The following LOC128125822 variants were observed in gnomAD, a reference collection of about 807,000 sequenced individuals.
the LOC128125822 span, chr6:63,581,067 TC>T: frequency 1.3e-5 from 2 of 152,164 alleles, no homozygotes; most frequent in African/African-American, 4.8e-5. Flanking sequence ...ATCATAAACT[TC>T]CTGAAATTCT....
chr6:63,577,462 T>A, the LOC128125822 span, among the ~76,000 whole-genome samples: 1 of 152,246 alleles, frequency 6.6e-6, no homozygotes, highest in Admixed American at 6.5e-5. Context: ...AATTGAATGC[T>A]GAATAATATA....
the LOC128125822 span, chr6:63,580,236 A>AGG: frequency 7.8e-7 from 1 of 1,281,304 alleles, no homozygotes; most frequent in Non-Finnish European, 1.1e-6. Context: ...TGTTATACAT[A>AGG]TTAGCCAACA....
the LOC128125822 span, among the ~76,000 whole-genome samples, chr6:63,576,185 G>T: frequency 6.0e-5 from 9 of 149,246 alleles, no homozygotes; most frequent in African/African-American, 2.0e-4. Context: ...AATGGGTTTG[G>T]TTTTTTTTTC....
At chr6:63,578,827 T>G in the LOC128125822 span, 12 of 1,341,056 alleles carry the variant, frequency 8.9e-6, no homozygotes, top group Non-Finnish European at 1.2e-5. Flanking sequence ...ATTTCCATGT[T>G]AGAAATTTAG....
the LOC128125822 span, chr6:63,576,415 CT>C: frequency 2.5e-6 from 1 of 399,270 alleles, no homozygotes; most frequent in East Asian, 3.6e-5. Context: ...TTCTCTCTTT[CT>C]GTCTTTTTCT....
chr6:63,580,033 A>ATTT, the LOC128125822 span: 510 of 1,385,742 alleles, frequency 3.7e-4, no homozygotes, highest in Non-Finnish European at 4.8e-4. Context: ...GCCTTGTTTC[A>ATTT]TTTTTTTTTT....
the LOC128125822 span, chr6:63,576,895 C>G: frequency 6.2e-7 from 1 of 1,612,780 alleles, no homozygotes; most frequent in Non-Finnish European, 8.5e-7. Flanking sequence ...CTCGAATGAA[C>G]CGCCCAGCTC....
chr6:63,575,515 A>G, the LOC128125822 span, among the ~76,000 whole-genome samples: 1 of 152,200 alleles, frequency 6.6e-6, no homozygotes, highest in Non-Finnish European at 1.5e-5. Flanking sequence ...ATATAAATAC[A>G]TTCATATTTG....
the LOC128125822 span, chr6:63,579,108 T>G: frequency 7.1e-7 from 1 of 1,410,756 alleles, no homozygotes; most frequent in East Asian, 2.6e-5. Context: ...TTCTTATAAT[T>G]TTTTAATATA....
chr6:63,580,062 G>A, the LOC128125822 span: 6 of 1,605,430 alleles, frequency 3.7e-6, no homozygotes, highest in Non-Finnish European at 3.4e-6. Flanking sequence ...CCCAGAAAGC[G>A]GCGTGGAGCT....
the LOC128125822 span, chr6:63,579,997 A>G: frequency 2.4e-6 from 3 of 1,259,396 alleles, no homozygotes; most frequent in East Asian, 6.9e-5. Flanking sequence ...TCTATAAGAC[A>G]CTAAATATTA....
chr6:63,579,742 C>T, the LOC128125822 span, among the ~76,000 whole-genome samples: 1 of 152,170 alleles, frequency 6.6e-6, no homozygotes, highest in Non-Finnish European at 1.5e-5. Context: ...CTTTTGTAGT[C>T]ATCTTCCCTG....
chr6:63,573,501 GA>G, the LOC128125822 span: 1 of 152,226 alleles, frequency 6.6e-6, no homozygotes, highest in Admixed American at 6.5e-5. Flanking sequence ...GCGGCGCGGA[GA>G]GGGGGCGCAG....
the LOC128125822 span, among the ~76,000 whole-genome samples, chr6:63,575,173 G>A: frequency 2.7e-3 from 415 of 152,308 alleles, no homozygotes; most frequent in Non-Finnish European, 4.3e-3. Context: ...GGAGCAGATC[G>A]TTTGAATTTT....
the LOC128125822 span, chr6:63,578,325 T>C: frequency 8.1e-7 from 1 of 1,238,076 alleles, no homozygotes. Context: ...ATTCTTTAAA[T>C]GATCTTCTGT....
the LOC128125822 span, chr6:63,576,286 G>A: frequency 5.2e-6 from 2 of 381,312 alleles, no homozygotes; most frequent in Non-Finnish European, 4.6e-6. Context: ...CTCACCCCTT[G>A]AGTTTTGCAA....
At chr6:63,576,999 T>C in the LOC128125822 span, 6 of 1,583,598 alleles carry the variant, frequency 3.8e-6, no homozygotes, top group African/African-American at 1.3e-5. Flanking sequence ...AGATTTGATA[T>C]GTTTTAGTAG....
chr6:63,577,162 G>C, the LOC128125822 span, among the ~76,000 whole-genome samples: 1 of 152,190 alleles, frequency 6.6e-6, no homozygotes, highest in Non-Finnish European at 1.5e-5. Flanking sequence ...ATTTTGAGAA[G>C]GGCATGTGCT....
At chr6:63,579,109 T>A in the LOC128125822 span, 1 of 1,411,398 alleles carries the variant, frequency 7.1e-7, no homozygotes, top group Non-Finnish European at 9.4e-7. Context: ...TCTTATAATT[T>A]TTTAATATAA....
Sources: allele counts gnomAD v4.1 joint callset (sites outside exome capture counted in the v4.1 genomes callset), GRCh38; gene constraint gnomAD v4.1.1; transcripts MANE v1.5.